FBXL17: variants seen among roughly 807,000 people sequenced by gnomAD.
FBXL17 encodes F-box/LRR-repeat protein 17.
In FBXL17, 22 loss-of-function variants were observed where a neutral mutation model predicts 66.2. The observed-to-expected ratio is 0.33, with a 90% CI of 0.24 to 0.47. FBXL17 has a LOEUF of 0.47. Among genes scored for constraint, FBXL17 ranks in the 20% least tolerant of loss-of-function variants. The pLI is 1.00. For missense variants in FBXL17, 878 were observed against 948.2 expected (o/e 0.93, Z 0.97); for synonymous variants, 474 against 400.5 (o/e 1.18, Z -2.19).
At position 108,196,144 on chromosome 5, in the gene FBXL17, GATTGAATTAATGT is replaced by G. The variant is rs571686930; in HGVS notation, c.1615-9910_1615-9898del. ...ATAGTGAATAAATTCTGAATTAATT[GATTGAATTAATGT>G]GCAGGCATACATCTCACAGTAATAA... is the stretch of plus-strand genomic sequence containing the variant. On this transcript the variant is annotated intron_variant, in intron 5 of 8. Coordinates refer to ENST00000542267, the MANE Select transcript of FBXL17 (RefSeq NM_001163315.3). 2.8e-4 allele frequency among the ~76,000 whole-genome samples: 43 copies of G among 151,728 alleles called. No individual in the cohort carries two copies. The South Asian group carries it at 7.1e-3, about 25-fold the overall frequency.
intron 4 of FBXL17, among the ~76,000 whole-genome samples, chr5:108,253,728 T>C (rs1234449353): frequency 6.6e-6 from 1 of 152,148 alleles, no homozygotes; most frequent in Non-Finnish European, 1.5e-5. Flanking sequence ...TGCAGTAGCC[T>C]ATACCTATAA....
intron 7 of FBXL17, among the ~76,000 whole-genome samples, chr5:107,968,622 T>A (rs1752244122): frequency 6.6e-6 from 1 of 152,070 alleles, no homozygotes; most frequent in Non-Finnish European, 1.5e-5. Context: ...ACCTAATGAA[T>A]CATAACAAAA....
intron 6 of FBXL17, among the ~76,000 whole-genome samples, chr5:108,184,301 GT>G (rs1389361948): frequency 6.6e-6 from 1 of 151,922 alleles, no homozygotes; most frequent in Non-Finnish European, 1.5e-5. Context: ...GTACACACTT[GT>G]TTTTTCGTTT....
chr5:108,065,279 G>A (rs1425402027), intron 6 of FBXL17, among the ~76,000 whole-genome samples: 1 of 152,058 alleles, frequency 6.6e-6, no homozygotes, highest in East Asian at 1.9e-4. Context: ...TCCATATATA[G>A]AAGTTTTAAG....
Position 108,007,757 on chromosome 5 carries a change from C to T in FBXL17, c.1822+13168G>A, listed in dbSNP as rs368318830. Among the ~76,000 whole-genome samples the T allele has an allele frequency of 3.9e-5, 6 of 152,098 alleles. No homozygotes were observed. The South Asian group carries it at 1.0e-3, about 26-fold the overall frequency. On this transcript the variant is annotated intron_variant, in intron 7 of 8. Transcript: ENST00000542267. ...GTAGATTTCAAATGAAGTCTAGGAACGAAGATGAAGCATGAACTTCATGCA... is the reference window on the plus strand; with the variant it reads ...GTAGATTTCAAATGAAGTCTAGGAATGAAGATGAAGCATGAACTTCATGCA...
intron 5 of FBXL17, among the ~76,000 whole-genome samples, chr5:108,212,312 C>A (rs1754410875): frequency 6.6e-6 from 1 of 152,090 alleles, no homozygotes; most frequent in Admixed American, 6.6e-5. Flanking sequence ...TTATTACCAG[C>A]CTTCTGAAGC....
At chr5:107,931,015 T>C (rs1419349658) in intron 7 of FBXL17, among the ~76,000 whole-genome samples, 1 of 152,124 alleles carries the variant, frequency 6.6e-6, no homozygotes, top group Non-Finnish European at 1.5e-5. Flanking sequence ...GGGCTATGTA[T>C]ACAGCCTTTG....
chr5:108,049,471 C>A (rs757515706), intron 6 of FBXL17, among the ~76,000 whole-genome samples: 1 of 152,126 alleles, frequency 6.6e-6, no homozygotes, highest in Non-Finnish European at 1.5e-5. Context: ...CCCAGAATTT[C>A]ATTTCCAGCC....
intron 4 of FBXL17, among the ~76,000 whole-genome samples, chr5:108,266,412 AT>A (rs1757047831): frequency 6.6e-6 from 1 of 152,116 alleles, no homozygotes; most frequent in African/African-American, 2.4e-5. Flanking sequence ...GTCATAAATC[AT>A]TCCTTTGTCC....
chr5:107,990,299 T>C (rs1753191662), intron 7 of FBXL17, among the ~76,000 whole-genome samples: 1 of 152,220 alleles, frequency 6.6e-6, no homozygotes, highest in African/African-American at 2.4e-5. Flanking sequence ...ATAAGATTGA[T>C]GTTTGGGAGC....
intron 6 of FBXL17, among the ~76,000 whole-genome samples, chr5:108,090,182 A>T (rs1189884114): frequency 6.6e-6 from 1 of 151,494 alleles, no homozygotes; most frequent in African/African-American, 2.5e-5. Context: ...AATTAGTAAC[A>T]TGTATCATCA....
chr5:108,218,016 CTTTTTTTT>C (rs752575685), intron 5 of FBXL17, among the ~76,000 whole-genome samples: 1 of 120,132 alleles, frequency 8.3e-6, no homozygotes, highest in African/African-American at 3.4e-5. Flanking sequence ...AATTTTTTTT[CTTTTTTTT>C]TTTTTTTTTT....
At chr5:108,235,188 T>C (rs969895590) in intron 4 of FBXL17, among the ~76,000 whole-genome samples, 2 of 152,216 alleles carry the variant, frequency 1.3e-5, no homozygotes, top group Non-Finnish European at 2.9e-5. Context: ...TCTACATGCA[T>C]GTACCAAACA....
At chr5:108,025,702 C>T (rs1166867459) in intron 6 of FBXL17, among the ~76,000 whole-genome samples, 1 of 126,148 alleles carries the variant, frequency 7.9e-6, no homozygotes, top group South Asian at 2.3e-4. Context: ...CACACACACA[C>T]AAACACACAC....
At chr5:107,982,086 T>A (rs960595760) in intron 7 of FBXL17, among the ~76,000 whole-genome samples, 3 of 152,124 alleles carry the variant, frequency 2.0e-5, no homozygotes, top group African/African-American at 7.2e-5. Context: ...TGAGGGCAAT[T>A]TCATATAATA....
intron 4 of FBXL17, 131 bp downstream of exon 4, chr5:108,348,268 G>A: frequency 1.4e-6 from 1 of 716,582 alleles, no homozygotes; most frequent in South Asian, 2.8e-5. Flanking sequence ...ACTTTAAAAG[G>A]ATTTTTGCTT....
At chr5:108,275,821 C>G (rs1261283364) in intron 4 of FBXL17, among the ~76,000 whole-genome samples, 1 of 152,158 alleles carries the variant, frequency 6.6e-6, no homozygotes, top group Non-Finnish European at 1.5e-5. Flanking sequence ...CTCAGCTGTG[C>G]TTAATGAACA....
At chr5:108,269,082 G>A (rs929559062) in intron 4 of FBXL17, among the ~76,000 whole-genome samples, 4 of 151,976 alleles carry the variant, frequency 2.6e-5, no homozygotes, top group African/African-American at 9.7e-5. Context: ...GGTTTCATAA[G>A]GTTGTTTGTA....
intron 7 of FBXL17, among the ~76,000 whole-genome samples, chr5:107,982,206 T>C (rs1011949159): frequency 3.3e-5 from 5 of 152,174 alleles, no homozygotes; most frequent in Non-Finnish European, 7.4e-5. Flanking sequence ...CTTTAGTACA[T>C]AAATAAATTT....
Sources: allele counts gnomAD v4.1 joint callset (sites outside exome capture counted in the v4.1 genomes callset), GRCh38; gene constraint gnomAD v4.1.1; transcripts MANE v1.5; gene names NCBI Gene and HGNC (gene_info 2026-07-23, HGNC 2026-07-21).